Variants in WDR70 observed in about 807,000 individuals in gnomAD.
WDR70 encodes the protein WD repeat-containing protein 70.
Under a neutral mutation model 88.6 loss-of-function variants are expected in WDR70, and 53 were observed. That is an observed-to-expected ratio of 0.60 (90% CI 0.48 to 0.75). The LOEUF is 0.75. Among genes scored for constraint, WDR70 ranks in the 30% least tolerant of loss-of-function variants. The pLI, the probability that WDR70 is intolerant of heterozygous loss-of-function variation, is 0.00. For synonymous variants in WDR70, 280 were observed against 270.0 expected (o/e 1.04, Z -0.36); for missense variants, 610 against 823.2 (o/e 0.74, Z 3.17).
chr5:37,429,121 C>T (rs1052943652), intron 5 of WDR70, among the ~76,000 whole-genome samples: 6 of 152,176 alleles, frequency 3.9e-5, no homozygotes, highest in East Asian at 3.8e-4. Flanking sequence ...CAATGTGCAT[C>T]GCTGTGCCTG....
chr5:37,417,179 T>C (rs1749782610), intron 5 of WDR70, among the ~76,000 whole-genome samples: 1 of 152,154 alleles, frequency 6.6e-6, no homozygotes, highest in Non-Finnish European at 1.5e-5. Flanking sequence ...AATATGGGGG[T>C]ACTTTTTATC....
intron 5 of WDR70, among the ~76,000 whole-genome samples, chr5:37,432,161 A>G (rs10941331): frequency 0.75 from 114,000 of 152,210 alleles, 47,490 homozygotes; most frequent in East Asian, 0.96. Context: ...ACCATTTTAC[A>G]TTCCTACCAA....
intron 7 of WDR70, among the ~76,000 whole-genome samples, chr5:37,456,758 A>C (rs1158200955): frequency 1.3e-5 from 2 of 152,232 alleles, no homozygotes; most frequent in Non-Finnish European, 2.9e-5. Context: ...CATCAAAAAC[A>C]AAATTAAAAG....
chr5:37,729,189 AC>A lies in WDR70; in HGVS notation c.1877+2149del, dbSNP rs540695351. Among the ~76,000 whole-genome samples the A allele has an allele frequency of 3.0e-3, 460 of 151,582 alleles. 6 individuals carry two copies. Among genetic ancestry groups the A allele is most frequent in the African/African-American group, 0.011 (445 of 41,332 alleles). On this transcript the variant is annotated intron_variant, in intron 17 of 17. Coordinates refer to ENST00000265107, the MANE Select transcript of WDR70 (RefSeq NM_018034.4). Reference sequence around the variant, plus strand: ...TTACAGACTCATCTTGGTTTTTCTTACCCCCATTCTGGAATCGACCACTTCT... The same window carrying A: ...TTACAGACTCATCTTGGTTTTTCTTACCCCATTCTGGAATCGACCACTTCT...
intron 13 of WDR70, 54 bp downstream of exon 13, chr5:37,703,141 C>T: frequency 1.3e-6 from 2 of 1,571,916 alleles, no homozygotes; most frequent in South Asian, 2.3e-5. Flanking sequence ...TTGCCTCTTA[C>T]CCATCTTTTG....
intron 5 of WDR70, among the ~76,000 whole-genome samples, chr5:37,425,367 A>G (rs74347763): frequency 0.018 from 2,762 of 152,358 alleles, 38 homozygotes; most frequent in Non-Finnish European, 0.027. Flanking sequence ...GACAGGTTGT[A>G]ATTTAAAATA....
intron 10 of WDR70, among the ~76,000 whole-genome samples, chr5:37,676,709 T>C (rs1455885508): frequency 6.6e-6 from 1 of 151,748 alleles, no homozygotes; most frequent in East Asian, 1.9e-4. Context: ...TTTGGTTGTG[T>C]CTCTGCCAGG....
intron 8 of WDR70, chr5:37,505,567 C>T: frequency 1.5e-6 from 1 of 661,680 alleles, no homozygotes; most frequent in Non-Finnish European, 2.7e-6. Context: ...ATAATTCTCT[C>T]AATGTTTTTT....
intron 9 of WDR70, among the ~76,000 whole-genome samples, chr5:37,582,747 C>T (rs1391854476): frequency 3.3e-5 from 5 of 152,150 alleles, no homozygotes; most frequent in Admixed American, 1.3e-4. Context: ...TATTATTGTA[C>T]CTAATGGTGG....
At chr5:37,672,036 C>T (rs1009042863) in intron 10 of WDR70, among the ~76,000 whole-genome samples, 6 of 152,204 alleles carry the variant, frequency 3.9e-5, no homozygotes, top group Admixed American at 3.9e-4. Flanking sequence ...ACCCTGTGCT[C>T]ACAGAAACAT....
At position 37,416,252 on chromosome 5, in the gene WDR70, C is replaced by T. The variant is rs1749744513; in HGVS notation, c.492+19682C>T. 2.0e-5 allele frequency among the ~76,000 whole-genome samples: 3 copies of T among 152,222 alleles called. No homozygotes were observed. The South Asian group carries it at 6.2e-4, about 31-fold the overall frequency. ...CACTGAGTGAACGAGACTCCGTCTG[C>T]AATCCCGGCACCTCGGGAGGCCGAG... On this transcript the variant is annotated intron_variant, in intron 5 of 17. Coordinates refer to ENST00000265107, the MANE Select transcript of WDR70 (RefSeq NM_018034.4).
rs1027330336 is a variant in WDR70 at position 37,742,240 on chromosome 5, G to A, written c.1878-10246G>A. ...AGGGTTCCAGTTTCTCTGCATCCTGGCCAATACTTGTTATTATCTGTTGTT... is the reference window on the plus strand; with the variant it reads ...AGGGTTCCAGTTTCTCTGCATCCTGACCAATACTTGTTATTATCTGTTGTT... On this transcript the variant is annotated intron_variant, in intron 17 of 17. Transcript: ENST00000265107. Among the ~76,000 whole-genome samples, 20 of 150,014 alleles carry A rather than the reference G, an allele frequency of 1.3e-4. 1 individual carries two copies. Among genetic ancestry groups the A allele is most frequent in the Non-Finnish European group, 2.7e-4 (18 of 67,768 alleles).
intron 10 of WDR70, among the ~76,000 whole-genome samples, chr5:37,651,011 G>A (rs1745394147): frequency 6.8e-6 from 1 of 147,746 alleles, no homozygotes; most frequent in South Asian, 2.1e-4. Context: ...TGTGCAGAAT[G>A]TGCAGGTTTG....
At chr5:37,413,465 G>A (rs1749588895) in intron 5 of WDR70, among the ~76,000 whole-genome samples, 1 of 152,168 alleles carries the variant, frequency 6.6e-6, no homozygotes, top group Admixed American at 6.5e-5. Flanking sequence ...GCTCACACCT[G>A]TAATCCCAGC....
At chr5:37,465,034 CT>C (rs1436018742) in intron 7 of WDR70, among the ~76,000 whole-genome samples, 2 of 152,214 alleles carry the variant, frequency 1.3e-5, no homozygotes, top group African/African-American at 4.8e-5. Context: ...TTTGGTCAAA[CT>C]TGTAATTTTA....
intron 8 of WDR70, among the ~76,000 whole-genome samples, chr5:37,509,789 CTTT>C (rs772468754): frequency 7.7e-6 from 1 of 129,156 alleles, no homozygotes. Flanking sequence ...CCTATAGATT[CTTT>C]TTTTTTTTTT....
intron 10 of WDR70, among the ~76,000 whole-genome samples, chr5:37,623,127 A>G (rs10941354): frequency 1.3e-5 from 2 of 151,516 alleles, no homozygotes; most frequent in African/African-American, 4.8e-5. Context: ...CTGCTTGGTA[A>G]TACTGAAAGA....
At chr5:37,416,718 T>G (rs1749768601) in intron 5 of WDR70, among the ~76,000 whole-genome samples, 1 of 151,746 alleles carries the variant, frequency 6.6e-6, no homozygotes, top group African/African-American at 2.4e-5. Context: ...TAACTGAGAT[T>G]ACAGGCATGT....
intron 7 of WDR70, among the ~76,000 whole-genome samples, chr5:37,463,133 A>G (rs6451322): frequency 0.97 from 148,001 of 152,198 alleles, 72,108 homozygotes; most frequent in East Asian, 1. Context: ...TTAGCCCAGC[A>G]TGGTGGCACG....
Sources: allele counts gnomAD v4.1 joint callset (sites outside exome capture counted in the v4.1 genomes callset), GRCh38; gene constraint gnomAD v4.1.1; transcripts MANE v1.5; gene names NCBI Gene and HGNC (gene_info 2026-07-23, HGNC 2026-07-21).